Variants in COG1 observed in about 807,000 individuals in gnomAD.
COG1 encodes component of oligomeric golgi complex 1, also known as conserved oligomeric Golgi complex subunit 1.
In COG1, 61 loss-of-function variants were observed where a neutral mutation model predicts 102.2. The ratio of observed to expected loss-of-function variants is 0.60; its 90% CI spans 0.49 to 0.74. The LOEUF (loss-of-function observed/expected upper bound fraction) is 0.74. COG1 is among the 30% of genes least tolerant of loss of function. COG1 has a pLI of 0.00. For missense variants in COG1, 1,164 were observed against 1,232.1 expected (o/e 0.94, Z 0.83); for synonymous variants, 454 against 493.6 (o/e 0.92, Z 1.06).
rs547296001 is a variant in COG1, at chr17:73,205,871, T to C, written c.2510+191T>C. The C allele has an allele frequency of 6.5e-6, 5 of 767,954 alleles. No individual in the cohort carries two copies. The East Asian group carries it at 1.1e-4, about 16-fold the overall frequency. 47.6% of individuals were successfully genotyped at this position (767,954 alleles called of 1,614,324 possible). On this transcript the variant is annotated intron_variant, in intron 10 of 13. Coordinates refer to ENST00000299886, the MANE Select transcript of COG1 (RefSeq NM_018714.3). Reference sequence around the variant, plus strand: ...GGATAAATGCAATGGTCAAGTGAAATAGGTGGACTCTTATTCCCCTCTCTT... The same window carrying C: ...GGATAAATGCAATGGTCAAGTGAAACAGGTGGACTCTTATTCCCCTCTCTT...
chr17:73,197,913 G>A (rs1018871961), intron 4 of COG1, among the ~76,000 whole-genome samples: 7 of 152,372 alleles, frequency 4.6e-5, no homozygotes, highest in Middle Eastern at 3.4e-3. Context: ...GCGAGGCTAG[G>A]GAATTTAGAC....
intron 6 of COG1, 43 bp downstream of exon 6, chr17:73,200,819 C>G: frequency 6.5e-7 from 1 of 1,532,710 alleles, no homozygotes; most frequent in South Asian, 1.1e-5. Context: ...TATGGCCAAT[C>G]CTAGTGGTAT....
intron 9 of COG1, 117 bp from the exon 10 acceptor site, chr17:73,205,436 A>T: frequency 9.0e-7 from 1 of 1,109,996 alleles, no homozygotes; most frequent in Non-Finnish European, 1.4e-6. Context: ...TATGAGCATT[A>T]AAACCATCTG....
chr17:73,206,253 G>A lies in COG1; in HGVS notation c.2610G>A (p.Gln870=). Residue 870 remains glutamine (Q), a synonymous_variant, in exon 11 of 14, where the codon CAG becomes CAA. Coordinates refer to ENST00000299886, the MANE Select transcript of COG1 (RefSeq NM_018714.3). The part of the protein sequence containing the change: ...HLNSNLHRLV[Q]RTSVLFGLVT... ...ACAGCAACCTTCATCGCCTGGTGCA[G>A]CGAACTTCTGTGAGTCAAATCAAAA... 1 of 1,613,826 alleles carries A rather than the reference G, an allele frequency of 6.2e-7. No homozygotes were observed. Among genetic ancestry groups the A allele is most frequent in the Non-Finnish European group, 8.5e-7 (1 of 1,179,726 alleles).
intron 4 of COG1, among the ~76,000 whole-genome samples, chr17:73,199,467 A>T (rs1219052580): frequency 6.6e-6 from 1 of 152,130 alleles, no homozygotes; most frequent in African/African-American, 2.4e-5. Context: ...CCCTGATGGG[A>T]CCTCACACGT....
At chr17:73,208,218 T>A (rs2061391810) in intron 13 of COG1, 96 bp from the exon 14 acceptor site, 5 of 1,601,414 alleles carry the variant, frequency 3.1e-6, no homozygotes, top group Middle Eastern at 2.3e-4. Flanking sequence ...TCCGCTTGTG[T>A]GTGCCGTGTG....
At chr17:73,204,093 C>T (rs1057284214) in intron 9 of COG1, among the ~76,000 whole-genome samples, 13 of 152,150 alleles carry the variant, frequency 8.5e-5, no homozygotes, top group Non-Finnish European at 1.9e-4. Flanking sequence ...CTTGGGAGTT[C>T]ACGGCTGCAA....
intron 1 of COG1, 92 bp downstream of exon 1, chr17:73,193,476 G>C: frequency 7.8e-7 from 1 of 1,285,596 alleles, no homozygotes; most frequent in Non-Finnish European, 1.0e-6. Context: ...GTCAGTCCCA[G>C]ACCCCGCGAG....
At chr17:73,198,189 C>CA (rs60861340) in intron 4 of COG1, among the ~76,000 whole-genome samples, 139,127 of 152,140 alleles carry the variant, frequency 0.91, 64,261 homozygotes, top group Non-Finnish European at 0.99. Flanking sequence ...GAGCTAATTG[C>CA]ATGTTCGGAC....
rs1187216995 is a variant in COG1 at position 73,193,330 on chromosome 17, C to T, written c.261C>T (p.Cys87=). ...CCGTGAAGGCCACCGACCAGTACTG[C>T]GCCCGCCTCCGCCAGGCCGGCTCGG... is the stretch of plus-strand genomic sequence containing the variant. ...VDAVKATDQY[C]ARLRQAGSAA... The change falls in exon 1 of 14, where the codon TGC becomes TGT. Residue 87 remains cysteine, a synonymous_variant. Coordinates refer to ENST00000299886, the MANE Select transcript of COG1 (RefSeq NM_018714.3). 7 of 1,533,016 alleles carry T rather than the reference C, an allele frequency of 4.6e-6. No homozygotes were observed. Among genetic ancestry groups the T allele is most frequent in the Admixed American group, 4.0e-5 (2 of 50,114 alleles). 95.0% of individuals were successfully genotyped at this position (1,533,016 alleles called of 1,614,324 possible).
Position 73,193,391 on chromosome 17 carries a change from C to A in COG1, c.315+7C>A. 1 of 1,427,266 alleles carries A rather than the reference C, an allele frequency of 7.0e-7. No homozygotes were observed. Among genetic ancestry groups the A allele is most frequent in the Non-Finnish European group, 9.1e-7 (1 of 1,099,188 alleles). The allele number at this position is 1,427,266 out of a possible 1,614,324, so 88.4% of individuals were successfully genotyped here. ...GCCACCGCGGGCCCAGCAGGTCAGT[C>A]CCCGTGCCCCCACCCTGCGACCCGC... On this transcript the variant is annotated splice_region_variant and intron_variant, in intron 1 of 13. Coordinates refer to ENST00000299886, the MANE Select transcript of COG1 (RefSeq NM_018714.3).
At chr17:73,206,860 C>A (rs570772558) in intron 12 of COG1, 43 bp downstream of exon 12, 12 of 1,355,834 alleles carry the variant, frequency 8.9e-6, no homozygotes, top group Admixed American at 1.7e-5. Context: ...TTCGGGAGGC[C>A]AAGGTGGACG....
Position 73,207,276 on chromosome 17 carries a change from G to A in COG1, c.2805+20G>A, listed in dbSNP as rs531539917. The A allele has an allele frequency of 1.2e-5, 19 of 1,613,268 alleles. No individual in the cohort carries two copies. The highest frequency in any genetic ancestry group is 2.2e-5 in the East Asian group (1 of 44,862). On this transcript the variant is annotated intron_variant, in intron 13 of 13. Transcript: ENST00000299886. ...GCTCAGGTTGGTGCCAAGAGCAAGA[G>A]GCTCATCCGTGGATGGGTCCCCACC...
chr17:73,194,931 A>G (rs1364256695), intron 1 of COG1, among the ~76,000 whole-genome samples: 2 of 152,224 alleles, frequency 1.3e-5, no homozygotes, highest in Admixed American at 1.3e-4. Context: ...ATGCTATCTG[A>G]GCTTTACAGA....
At position 73,197,297 on chromosome 17, in the gene COG1, C is replaced by G; in HGVS notation, c.814C>G (p.Leu272Val). ...CACCACTCTGAAGCAAGCTCATGCC[C>G]TTTTCTACACTTTGCCAGAAGGACT... ...LATTLKQAHA[L>V]FYTLPEGLLP... Residue 272 changes from leucine to valine, a missense_variant, in exon 4 of 14, where the codon CTT (leucine) becomes GTT (valine). Physicochemically the swap from Leu to Val is conservative, Grantham distance 32. Coordinates refer to ENST00000299886, the MANE Select transcript of COG1 (RefSeq NM_018714.3). 3 of 1,614,232 alleles carry G rather than the reference C, an allele frequency of 1.9e-6. No individual in the cohort carries two copies. Among genetic ancestry groups the G allele is most frequent in the Non-Finnish European group, 2.5e-6 (3 of 1,180,036 alleles).
chr17:73,193,134 T>C lies in COG1; in HGVS notation c.65T>C (p.Phe22Ser), dbSNP rs1353984927. Residue 22 changes from phenylalanine (F) to serine (S), a missense_variant, in exon 1 of 14, where the codon TTC becomes TCC. Physicochemically the swap from Phe to Ser is radical, Grantham distance 155 (BLOSUM62 -2). Coordinates refer to ENST00000299886, the MANE Select transcript of COG1 (RefSeq NM_018714.3). ...GATCTGCGCGACCCTGCGGCTCTTTTCGAGACGCATGGAGCGGAGGAGATC... is the reference window on the plus strand; with the variant it reads ...GATCTGCGCGACCCTGCGGCTCTTTCCGAGACGCATGGAGCGGAGGAGATC... ...RLDLRDPAAL[F>S]ETHGAEEIRG... 1.2e-6 allele frequency: 2 copies of C among 1,610,802 alleles called. No individual in the cohort carries two copies. The highest frequency in any genetic ancestry group is 1.7e-5 in the Admixed American group (1 of 59,786).
chr17:73,197,861 CTG>C (rs2061331717), intron 4 of COG1, among the ~76,000 whole-genome samples: 1 of 152,198 alleles, frequency 6.6e-6, no homozygotes, highest in Non-Finnish European at 1.5e-5. Context: ...TGAGCAGAGA[CTG>C]GAGGTGGGGC....
At position 73,203,653 on chromosome 17, in the gene COG1, T is replaced by C. The variant is rs2061356122; in HGVS notation, c.2242T>C (p.Phe748Leu). ...TTAGCCGTCCTGGTATGTACAGTCC[T>C]TCCTGTTTAGTTTATGCCAGGAAAT... ...PAQPSWYVQS[F>L]LFSLCQEINR... The change falls in exon 9 of 14, where the codon TTC (phenylalanine) becomes CTC (leucine). Residue 748 changes from phenylalanine to leucine, a missense_variant. Transcript: ENST00000299886. 1.2e-6 allele frequency: 2 copies of C among 1,614,136 alleles called. No homozygotes were observed. Among genetic ancestry groups the C allele is most frequent in the Non-Finnish European group, 1.7e-6 (2 of 1,180,058 alleles).
chr17:73,202,964 G>C (rs1461088841), intron 7 of COG1, 36 bp from the exon 8 acceptor site: 2 of 1,611,938 alleles, frequency 1.2e-6, no homozygotes, highest in Non-Finnish European at 8.5e-7. Flanking sequence ...CAGAGGATCT[G>C]AGTGGCTTGT....
Sources: allele counts gnomAD v4.1 joint callset (sites outside exome capture counted in the v4.1 genomes callset), GRCh38; gene constraint gnomAD v4.1.1; transcripts MANE v1.5; gene names NCBI Gene and HGNC (gene_info 2026-07-23, HGNC 2026-07-21).